Variants in FOXP2 observed in about 807,000 individuals in gnomAD.
FOXP2 encodes forkhead box P2.
In FOXP2, 12 loss-of-function variants were observed where a neutral mutation model predicts 115.8. The observed-to-expected ratio is 0.10, with a 90% CI of 0.07 to 0.17. The LOEUF (loss-of-function observed/expected upper bound fraction) is 0.17. FOXP2 is among the 10% of genes least tolerant of loss of function. The pLI, the probability that FOXP2 is intolerant of heterozygous loss-of-function variation, is 1.00. For synonymous variants in FOXP2, 328 were observed against 297.7 expected, an observed-to-expected ratio of 1.10 and a Z score of -1.05; for missense variants, 629 against 843.5, an observed-to-expected ratio of 0.75 and a Z score of 3.15.
At chr7:114,156,215 C>T (rs1006016464) in intron 1 of FOXP2, among the ~76,000 whole-genome samples, 1 of 152,064 alleles carries the variant, frequency 6.6e-6, no homozygotes, top group African/African-American at 2.4e-5. Flanking sequence ...GTGCTGTCTG[C>T]CACCAGTTAT....
intron 2 of FOXP2, among the ~76,000 whole-genome samples, chr7:114,467,576 T>C (rs1190082549): frequency 6.6e-6 from 1 of 152,200 alleles, no homozygotes; most frequent in Non-Finnish European, 1.5e-5. Context: ...CTCTCACTTA[T>C]ACCTCCTTAC....
chr7:114,632,362 T>C (rs998901689), intron 6 of FOXP2, among the ~76,000 whole-genome samples: 3 of 152,238 alleles, frequency 2.0e-5, no homozygotes, highest in Non-Finnish European at 2.9e-5. Flanking sequence ...TGTGTCATAT[T>C]CATAACCCTT....
chr7:114,467,339 T>A (rs1353343458), intron 2 of FOXP2, among the ~76,000 whole-genome samples: 2 of 152,188 alleles, frequency 1.3e-5, no homozygotes, highest in African/African-American at 4.8e-5. Flanking sequence ...ACCATTTACA[T>A]AAGTATATTG....
At position 114,523,418 on chromosome 7, in the gene FOXP2, C is replaced by T. The variant is rs367626368; in HGVS notation, c.169-11199C>T. On this transcript the variant is annotated intron_variant, in intron 2 of 16. Coordinates refer to ENST00000350908, the MANE Select transcript of FOXP2 (RefSeq NM_014491.4). Reference sequence around the variant, plus strand: ...GTTTTTCCCTCACCATCCCTTTCCTCCCCTGGTTCCAGCCTCGGTGACATA... The same window carrying T: ...GTTTTTCCCTCACCATCCCTTTCCTTCCCTGGTTCCAGCCTCGGTGACATA... Among the ~76,000 whole-genome samples the T allele has an allele frequency of 2.0e-5, 3 of 152,164 alleles. No individual in the cohort carries two copies. In the East Asian group the frequency reaches 5.8e-4, roughly 29 times the overall value.
At chr7:114,445,352 A>G (rs1794786361) in intron 2 of FOXP2, among the ~76,000 whole-genome samples, 1 of 152,158 alleles carries the variant, frequency 6.6e-6, no homozygotes. Flanking sequence ...GTCAAGCCTT[A>G]AAAGTGTTAT....
chr7:114,376,517 G>A (rs1032904922), intron 2 of FOXP2, among the ~76,000 whole-genome samples: 7 of 152,164 alleles, frequency 4.6e-5, no homozygotes, highest in Non-Finnish European at 5.9e-5. Context: ...TTTCTGCCAC[G>A]TTTCAGGCAC....
chr7:114,449,544 C>T (rs780955481), intron 2 of FOXP2, among the ~76,000 whole-genome samples: 1 of 151,998 alleles, frequency 6.6e-6, no homozygotes, highest in Non-Finnish European at 1.5e-5. Context: ...ATGTATCTGA[C>T]AGATGGATGG....
chr7:114,300,963 C>T (rs1796866342), intron 2 of FOXP2, among the ~76,000 whole-genome samples: 1 of 151,956 alleles, frequency 6.6e-6, no homozygotes. Flanking sequence ...CCCTTTTGCA[C>T]AACCATGTTT....
chr7:114,143,825 T>C (rs1792290060), intron 1 of FOXP2, among the ~76,000 whole-genome samples: 1 of 152,172 alleles, frequency 6.6e-6, no homozygotes, highest in Non-Finnish European at 1.5e-5. Flanking sequence ...TTTACTTTTT[T>C]TTTTTTGCTT....
At chr7:114,628,051 T>C (rs1804691546) in intron 3 of FOXP2, among the ~76,000 whole-genome samples, 2 of 152,208 alleles carry the variant, frequency 1.3e-5, no homozygotes, top group African/African-American at 2.4e-5. Context: ...TTGAAGATGA[T>C]GATTATATTT....
At chr7:114,554,517 T>G (rs1800364332) in intron 3 of FOXP2, among the ~76,000 whole-genome samples, 1 of 152,140 alleles carries the variant, frequency 6.6e-6, no homozygotes, top group African/African-American at 2.4e-5. Flanking sequence ...CCAGTAAACT[T>G]ATTTATATGT....
At chr7:114,120,286 G>T (rs552487739) in intron 1 of FOXP2, among the ~76,000 whole-genome samples, 1 of 152,164 alleles carries the variant, frequency 6.6e-6, no homozygotes, top group Non-Finnish European at 1.5e-5. Flanking sequence ...TAGGAGAAGA[G>T]AGATAAGTGT....
At chr7:114,500,586 G>A (rs1797525796) in intron 2 of FOXP2, among the ~76,000 whole-genome samples, 1 of 152,010 alleles carries the variant, frequency 6.6e-6, no homozygotes, top group Non-Finnish European at 1.5e-5. Context: ...ATTATCCACA[G>A]CATTAAGCAT....
At chr7:114,648,312 A>G (rs1046269790) in intron 8 of FOXP2, among the ~76,000 whole-genome samples, 3 of 152,084 alleles carry the variant, frequency 2.0e-5, no homozygotes, top group African/African-American at 7.2e-5. Context: ...AATCAACTAA[A>G]TGAATAGTGA....
At chr7:114,240,426 TG>T (rs1436393891) in intron 1 of FOXP2, among the ~76,000 whole-genome samples, 1 of 152,100 alleles carries the variant, frequency 6.6e-6, no homozygotes, top group Non-Finnish European at 1.5e-5. Context: ...ATTCACAAAA[TG>T]TGGGTAGAAA....
chr7:114,654,145 C>T lies in FOXP2; in HGVS notation c.1266+136C>T, dbSNP rs1806442964. ...CAATAAAATGAAAGTAAAATGTAAT[C>T]GCTTGTCAAATTGTATGTTTCTTTT... On this transcript the variant is annotated intron_variant, in intron 10 of 16. Transcript: ENST00000350908. 7.7e-6 allele frequency: 12 copies of T among 1,548,414 alleles called. No individual in the cohort carries two copies. The South Asian group carries it at 1.3e-4, about 16-fold the overall frequency.
At chr7:114,220,414 A>G (rs1794592235) in intron 1 of FOXP2, among the ~76,000 whole-genome samples, 1 of 152,146 alleles carries the variant, frequency 6.6e-6, no homozygotes, top group Non-Finnish European at 1.5e-5. Context: ...ATTACATTTT[A>G]TATTCCATTT....
intron 3 of FOXP2, among the ~76,000 whole-genome samples, chr7:114,607,205 A>G (rs1219614491): frequency 2.6e-5 from 4 of 152,198 alleles, no homozygotes; most frequent in Non-Finnish European, 4.4e-5. Flanking sequence ...ATGTGACTAG[A>G]GGAGACTTTA....
At chr7:114,385,045 C>A (rs139386840) in intron 2 of FOXP2, among the ~76,000 whole-genome samples, 1 of 151,414 alleles carries the variant, frequency 6.6e-6, no homozygotes, top group Non-Finnish European at 1.5e-5. Flanking sequence ...TCTCTCTCTC[C>A]CCCCCTCTCT....
Sources: allele counts gnomAD v4.1 joint callset (sites outside exome capture counted in the v4.1 genomes callset), GRCh38; gene constraint gnomAD v4.1.1; transcripts MANE v1.5; gene names NCBI Gene and HGNC (gene_info 2026-07-23, HGNC 2026-07-21).